The following CRLF1 variants were observed in gnomAD, a reference collection of about 807,000 sequenced individuals.
CRLF1 encodes cytokine receptor like factor 1.
In CRLF1, 36 loss-of-function variants were observed where a neutral mutation model predicts 48.9. The observed-to-expected ratio is 0.74, with a 90% CI of 0.56 to 0.97. The LOEUF is 0.97. Among genes scored for constraint, CRLF1 ranks in the 50% least tolerant of loss-of-function variants. The pLI, the probability that CRLF1 is intolerant of heterozygous loss-of-function variation, is 0.00. For missense variants in CRLF1, 534 were observed against 575.1 expected, an observed-to-expected ratio of 0.93 and a Z score of 0.73; for synonymous variants, 256 against 253.4, an observed-to-expected ratio of 1.01 and a Z score of -0.10.
intron 4 of CRLF1, among the ~76,000 whole-genome samples, chr19:18,598,178 G>T (rs1418858418): frequency 6.6e-6 from 1 of 152,174 alleles, no homozygotes; most frequent in Non-Finnish European, 1.5e-5. Flanking sequence ...GCTGCCGAGG[G>T]GGTGGTGGCC....
rs1012582085 is a variant in CRLF1, at chr19:18,593,497, G to C, written c.*69C>G. Reference sequence around the variant, plus strand: ...AGGTGCCCTGAAGTGAGGGTACAGAGGTGGCCCCAGTTTGGGTTCGGCCTC... The same window carrying C: ...AGGTGCCCTGAAGTGAGGGTACAGACGTGGCCCCAGTTTGGGTTCGGCCTC... On this transcript the variant is annotated 3_prime_UTR_variant, in exon 9 of 9. Transcript: ENST00000392386. 1 of 1,597,740 alleles carries C rather than the reference G, an allele frequency of 6.3e-7. No individual in the cohort carries two copies. The highest frequency in any genetic ancestry group is 1.3e-5 in the African/African-American group (1 of 74,706).
At chr19:18,604,152 G>A (rs1343922433) in intron 1 of CRLF1, among the ~76,000 whole-genome samples, 1 of 152,182 alleles carries the variant, frequency 6.6e-6, no homozygotes, top group Non-Finnish European at 1.5e-5. Flanking sequence ...GGGCAGGAAG[G>A]GGCTCTCTGG....
intron 8 of CRLF1, 103 bp downstream of exon 8, chr19:18,593,962 T>G (rs540886561): frequency 6.6e-7 from 1 of 1,507,720 alleles, no homozygotes; most frequent in Non-Finnish European, 9.0e-7. Context: ...TCAGCGACTC[T>G]AAGGCTGGGG....
intron 1 of CRLF1, among the ~76,000 whole-genome samples, chr19:18,605,398 G>A (rs1054413900): frequency 6.6e-6 from 1 of 152,246 alleles, no homozygotes; most frequent in Admixed American, 6.5e-5. Flanking sequence ...CAGGGTGGAT[G>A]AGCCTGGGAG....
Position 18,593,593 on chromosome 19 carries a change from G to A in CRLF1, c.1256-14C>T, listed in dbSNP as rs1201661719. 1 of 1,605,230 alleles carries A rather than the reference G, an allele frequency of 6.2e-7. No individual in the cohort carries two copies. The stretch of plus-strand genomic sequence containing the variant: ...ATCTGGCAGGACCTGCAGGCAGAGG[G>A]GAAGCCAAGCTAAGCAGGGAGTCCA... On this transcript the variant is annotated splice_polypyrimidine_tract_variant and intron_variant, in intron 8 of 8. Coordinates refer to ENST00000392386, the MANE Select transcript of CRLF1 (RefSeq NM_004750.5).
At chr19:18,602,783 CTTTT>C (rs796747894) in intron 1 of CRLF1, among the ~76,000 whole-genome samples, 1 of 145,750 alleles carries the variant, frequency 6.9e-6, no homozygotes. Flanking sequence ...CAGTGTTCTA[CTTTT>C]TTTTTTTTTT....
intron 6 of CRLF1, among the ~76,000 whole-genome samples, chr19:18,595,135 T>G (rs1030701956): frequency 6.6e-6 from 1 of 152,162 alleles, no homozygotes; most frequent in Non-Finnish European, 1.5e-5. Flanking sequence ...GATAAGGACA[T>G]CGGCCTCACG....
rs10402368 is a variant in CRLF1 at position 18,596,580 on chromosome 19, C to T, written c.1024+42G>A. 20,941 of 1,606,524 alleles carry T rather than the reference C, an allele frequency of 0.013. 2,286 individuals are homozygous for T. The African/African-American group carries it at 0.24, about 19-fold the overall frequency. On this transcript the variant is annotated intron_variant, in intron 6 of 8. Transcript: ENST00000392386. ...AGGAAACAGAGGCTCTAGCTGGTTT[C>T]GGACTGGCCGCTGGATCACCCAGCC...
At chr19:18,605,796 G>A (rs1031435321) in intron 1 of CRLF1, among the ~76,000 whole-genome samples, 1 of 152,178 alleles carries the variant, frequency 6.6e-6, no homozygotes, top group African/African-American at 2.4e-5. Context: ...GGCCCGTAGG[G>A]CAGCGGGTTC....
At chr19:18,596,542 A>G (rs1007504872) in intron 6 of CRLF1, 80 bp downstream of exon 6, 14 of 1,530,826 alleles carry the variant, frequency 9.1e-6, no homozygotes, top group Non-Finnish European at 1.2e-5. Flanking sequence ...GAAAAAAAAA[A>G]GAAAAGAAAA....
Position 18,606,467 on chromosome 19 carries a change from T to TC in CRLF1, c.115+74dup. On this transcript the variant is annotated intron_variant, in intron 1 of 8. Transcript: ENST00000392386. The surrounding 1 kb of genome is among the most constrained non-coding windows in gnomAD (Gnocchi z 4.8). Reference sequence around the variant, plus strand: ...CCGTCCAGGTGGCGCCCGCGCCCCCTCCCCCCGCGGCTGCCCCCGGGGCGC... The same window carrying TC: ...CCGTCCAGGTGGCGCCCGCGCCCCCTCCCCCCCGCGGCTGCCCCCGGGGCGC... 9.6e-7 allele frequency: 1 copy of TC among 1,038,718 alleles called. No individual in the cohort carries two copies. Among genetic ancestry groups the TC allele is most frequent in the Non-Finnish European group, 1.2e-6 (1 of 861,506 alleles). The allele number at this position is 1,038,718 out of a possible 1,614,324, so 64.3% of individuals were successfully genotyped here.
intron 1 of CRLF1, among the ~76,000 whole-genome samples, chr19:18,605,245 G>A (rs1317670636): frequency 6.6e-6 from 1 of 152,160 alleles, no homozygotes; most frequent in East Asian, 1.9e-4. Context: ...TGGCAGAGCC[G>A]TCAGGGGCCC....
chr19:18,593,677 G>A (rs993109306), intron 8 of CRLF1, 98 bp from the exon 9 acceptor site: 26 of 1,544,562 alleles, frequency 1.7e-5, no homozygotes, highest in African/African-American at 6.9e-5. Context: ...TGTCCCCACC[G>A]CTTCTGGCTG....
chr19:18,594,328 G>A lies in CRLF1; in HGVS notation c.1131C>T (p.His377=), dbSNP rs1976100100. ...LKQFLGWLKK[H]AYCSNLSFRL... Reference sequence around the variant, plus strand: ...GGAAGCTGAGGTTGGAGCAGTACGCGTGCTTCTTGAGCCAGCCCAGGAACT... The same window carrying A: ...GGAAGCTGAGGTTGGAGCAGTACGCATGCTTCTTGAGCCAGCCCAGGAACT... The change falls in exon 7 of 9, where the codon CAC becomes CAT. Residue 377 remains histidine (H), a synonymous_variant. Transcript: ENST00000392386. The A allele has an allele frequency of 6.2e-7, 1 of 1,612,386 alleles. No individual in the cohort carries two copies. The highest frequency in any genetic ancestry group is 8.5e-7 in the Non-Finnish European group (1 of 1,179,824).
Position 18,598,825 on chromosome 19 carries a change from C to A in CRLF1, c.474G>T (p.Gly158=), listed in dbSNP as rs1041356339. 1 of 1,614,072 alleles carries A rather than the reference C, an allele frequency of 6.2e-7. No individual in the cohort carries two copies. The highest frequency in any genetic ancestry group is 1.7e-5 in the Admixed American group (1 of 60,010). The change falls in exon 3 of 9, where the codon GGG becomes GGT. Residue 158 remains glycine (G), a synonymous_variant. Transcript: ENST00000392386. ...TGTGGAGGAAGGTCTCCCCGTGGGC[C>A]CCTGGCGTCCAGCGGCAGGTCAAGT... is the stretch of plus-strand genomic sequence containing the variant. ...MKDLTCRWTP[G]AHGETFLHTN...
At chr19:18,604,081 C>G (rs1414469002) in intron 1 of CRLF1, among the ~76,000 whole-genome samples, 1 of 152,244 alleles carries the variant, frequency 6.6e-6, no homozygotes, top group African/African-American at 2.4e-5. Context: ...CCCCAGGCCC[C>G]TCTCAGCCCT....
intron 4 of CRLF1, among the ~76,000 whole-genome samples, chr19:18,598,135 C>T (rs1056430931): frequency 1.3e-5 from 2 of 152,284 alleles, no homozygotes; most frequent in Admixed American, 6.5e-5. Context: ...GCGCCCCCTC[C>T]CCTCTCCCCA....
chr19:18,595,947 G>T (rs543880432), intron 6 of CRLF1, among the ~76,000 whole-genome samples: 197 of 152,304 alleles, frequency 1.3e-3, no homozygotes, highest in Middle Eastern at 3.4e-3. Flanking sequence ...CCCCTCTTAG[G>T]AGGGAGTCTG....
intron 4 of CRLF1, among the ~76,000 whole-genome samples, chr19:18,597,624 G>T (rs989587886): frequency 1.3e-5 from 2 of 151,826 alleles, no homozygotes; most frequent in African/African-American, 2.4e-5. Context: ...TAGAGACGGG[G>T]TTTCACCGTT....
Sources: gnomAD v4.1 joint callset for allele counts (sites outside exome capture counted in the v4.1 genomes callset) on GRCh38, gnomAD v4.1.1 for gene constraint, Gnocchi (gnomAD v3.1) non-coding constraint, MANE v1.5 for transcripts, NCBI Gene and HGNC (gene_info 2026-07-23, HGNC 2026-07-21) for gene names.